Variants in GDPD4 observed in about 807,000 individuals in gnomAD.
The protein encoded by GDPD4 is glycerophosphodiester phosphodiesterase domain containing 4.
Under a neutral mutation model 67.8 loss-of-function variants are expected in GDPD4, and 60 were observed. The ratio of observed to expected loss-of-function variants is 0.88; its 90% confidence interval spans 0.72 to 1.10. The LOEUF (loss-of-function observed/expected upper bound fraction) is 1.10. Among genes scored for constraint, GDPD4 ranks in the 50% least tolerant of loss-of-function variants. GDPD4 has a pLI of 0.00. For missense variants in GDPD4, 623 were observed against 613.9 expected, an observed-to-expected ratio of 1.01 and a Z score of -0.16; for synonymous variants, 212 against 210.9, an observed-to-expected ratio of 1.00 and a Z score of -0.04.
At chr11:77,225,914 A>G (rs1365465979) in intron 16 of GDPD4, among the ~76,000 whole-genome samples, 3 of 152,110 alleles carry the variant, frequency 2.0e-5, no homozygotes, top group African/African-American at 7.2e-5. Flanking sequence ...TCCTTCCCTG[A>G]TTCTAAACTT....
chr11:77,261,019 C>G (rs1959105573), intron 10 of GDPD4, among the ~76,000 whole-genome samples: 1 of 152,146 alleles, frequency 6.6e-6, no homozygotes, highest in African/African-American at 2.4e-5. Flanking sequence ...TTTTCAAAAT[C>G]TGATGAAGAT....
intron 16 of GDPD4, among the ~76,000 whole-genome samples, chr11:77,226,770 C>A (rs879729647): frequency 6.6e-6 from 1 of 152,164 alleles, no homozygotes; most frequent in Non-Finnish European, 1.5e-5. Flanking sequence ...AACCATGTAA[C>A]TTGAGGTCGC....
chr11:77,271,352 C>A lies in GDPD4; in HGVS notation c.249G>T (p.Met83Ile). ...LLVILLCVIL[M>I]FIICKFWKER... is the part of the protein sequence containing the mutation. ...CTTTCCAGAATTTGCATATAATGAA[C>A]ATTAAAATGACACACAGAAGAATCA... The change falls in exon 6 of 17, where the codon ATG becomes ATT. Residue 83 changes from methionine to isoleucine, a missense_variant. Transcript: ENST00000315938. 1.2e-6 allele frequency: 2 copies of A among 1,613,850 alleles called. No homozygotes were observed. The highest frequency in any genetic ancestry group is 2.2e-5 in the South Asian group (2 of 91,076).
intron 11 of GDPD4, among the ~76,000 whole-genome samples, chr11:77,253,024 G>A (rs2135853395): frequency 6.6e-6 from 1 of 152,288 alleles, no homozygotes; most frequent in South Asian, 2.1e-4. Context: ...CATTGGCAGA[G>A]TCCTAGGATC....
At chr11:77,262,930 A>G (rs997511569) in intron 10 of GDPD4, among the ~76,000 whole-genome samples, 1 of 151,504 alleles carries the variant, frequency 6.6e-6, no homozygotes, top group African/African-American at 2.4e-5. Flanking sequence ...ATAAGCATCC[A>G]GAAGATTTCT....
Position 77,269,038 on chromosome 11 carries a change from A to C in GDPD4, c.510T>G (p.Leu170=), listed in dbSNP as rs201111004. The C allele has an allele frequency of 1.2e-6, 2 of 1,613,966 alleles. No individual in the cohort carries two copies. Among genetic ancestry groups the C allele is most frequent in the Non-Finnish European group, 1.7e-6 (2 of 1,179,860 alleles). Residue 170 remains leucine, a synonymous_variant, in exon 9 of 17, where the codon CTT becomes CTG. Transcript: ENST00000315938. ...GLQVPVGLPF[L]LILLGLYLMP... ...TCAAATAGAGACCTAAAAGGATAAGAAGAAAGGGTAATCCAACAGGCACTT... is the reference window on the plus strand; with the variant it reads ...TCAAATAGAGACCTAAAAGGATAAGCAGAAAGGGTAATCCAACAGGCACTT...
chr11:77,232,891 A>G lies in GDPD4; in HGVS notation c.1389+134T>C, dbSNP rs1001433246. ...AGGATCTGTGAGAATGGAAAATACC[A>G]CATCTCCAATATTCATAGAAGTCTG... On this transcript the variant is annotated intron_variant, in intron 14 of 16. Coordinates refer to ENST00000315938, the MANE Select transcript of GDPD4 (RefSeq NM_182833.3). The G allele has an allele frequency of 2.3e-5, 16 of 682,282 alleles. No individual in the cohort carries two copies. In the African/African-American group the frequency reaches 2.5e-4, roughly 11 times the overall value. The allele number at this position is 682,282 out of a possible 1,614,324, so 42.3% of individuals were successfully genotyped here. A position where few individuals can be genotyped will look rare whatever the true frequency, so the allele number is the denominator to read the frequency against.
At chr11:77,271,703 C>T (rs1959231031) in intron 5 of GDPD4, among the ~76,000 whole-genome samples, 1 of 152,216 alleles carries the variant, frequency 6.6e-6, no homozygotes, top group South Asian at 2.1e-4. Flanking sequence ...CTTGGTATCT[C>T]TTACTCAGAT....
intron 16 of GDPD4, among the ~76,000 whole-genome samples, chr11:77,227,364 C>A (rs1457659877): frequency 6.6e-6 from 1 of 152,232 alleles, no homozygotes; most frequent in Non-Finnish European, 1.5e-5. Context: ...ATATCACCCA[C>A]AAATGATACC....
intron 16 of GDPD4, among the ~76,000 whole-genome samples, chr11:77,220,705 T>C (rs1355593215): frequency 6.6e-6 from 1 of 152,220 alleles, no homozygotes; most frequent in Admixed American, 6.5e-5. Flanking sequence ...GGTATCAGGA[T>C]GATGCTGGCC....
At chr11:77,299,830 A>T (rs1209881209) in intron 1 of GDPD4, among the ~76,000 whole-genome samples, 1 of 152,234 alleles carries the variant, frequency 6.6e-6, no homozygotes, top group Non-Finnish European at 1.5e-5. Flanking sequence ...AAAAGGTGTG[A>T]ACACAAAGAA....
intron 13 of GDPD4, 38 bp from the exon 14 acceptor site, chr11:77,233,210 A>C (rs769892166): frequency 1.3e-5 from 20 of 1,596,594 alleles, no homozygotes; most frequent in Non-Finnish European, 1.7e-5. Context: ...ATTTAGATCA[A>C]GTTTCATTCT....
rs756056139 is a variant in GDPD4 at position 77,216,866 on chromosome 11, GC to G, written c.*410del. 2.6e-5 allele frequency: 17 copies of G among 655,976 alleles called. No homozygotes were observed. The highest frequency in any genetic ancestry group is 1.1e-4 in the Admixed American group (5 of 43,608). The allele number at this position is 655,976 out of a possible 1,614,324, so 40.6% of individuals were successfully genotyped here. A position where few individuals can be genotyped will look rare whatever the true frequency, so the allele number is the denominator to read the frequency against. On this transcript the variant is annotated 3_prime_UTR_variant, in exon 17 of 17. Transcript: ENST00000315938. ...GGAAACACAGAAGGCTATGTCAGATGCAATGGAATATATTGTGACATAGGAT... is the reference window on the plus strand; with the variant it reads ...GGAAACACAGAAGGCTATGTCAGATGAATGGAATATATTGTGACATAGGAT...
chr11:77,219,668 G>C (rs890964107), intron 16 of GDPD4, among the ~76,000 whole-genome samples: 2 of 152,170 alleles, frequency 1.3e-5, no homozygotes, highest in African/African-American at 4.8e-5. Flanking sequence ...TGTCAGGTTT[G>C]TCAAAGATCA....
intron 13 of GDPD4, among the ~76,000 whole-genome samples, chr11:77,238,602 ATTATG>A (rs1425460008): frequency 1.4e-5 from 2 of 143,856 alleles, no homozygotes; most frequent in African/African-American, 2.5e-5. Flanking sequence ...AAAAAAAAAA[ATTATG>A]TTATGTGAAT....
intron 16 of GDPD4, among the ~76,000 whole-genome samples, chr11:77,226,567 C>A (rs1591527876): frequency 6.6e-6 from 1 of 152,172 alleles, no homozygotes; most frequent in African/African-American, 2.4e-5. Flanking sequence ...GATTTCTAGC[C>A]TCCAGAACTG....
intron 5 of GDPD4, among the ~76,000 whole-genome samples, chr11:77,275,279 G>T (rs1959406153): frequency 6.6e-6 from 1 of 152,166 alleles, no homozygotes; most frequent in South Asian, 2.1e-4. Flanking sequence ...AAGCCCATGG[G>T]AGAACAAAAC....
rs1259737887 is a variant in GDPD4, at chr11:77,216,582, T to C, written c.*695A>G. The C allele has an allele frequency of 6.9e-6, 2 of 291,538 alleles. No individual in the cohort carries two copies. Among genetic ancestry groups the C allele is most frequent in the East Asian group, 1.6e-4 (2 of 12,280 alleles). The allele number at this position is 291,538 out of a possible 1,614,324, so 18.1% of individuals were successfully genotyped here. A position where few individuals can be genotyped will look rare whatever the true frequency, so the allele number is the denominator to read the frequency against. ...CTTCCTGAGAGGTTGCCTTTACTTATATGCACAGTCACTCCTTTAGCAGAA... is the reference window on the plus strand; with the variant it reads ...CTTCCTGAGAGGTTGCCTTTACTTACATGCACAGTCACTCCTTTAGCAGAA... On this transcript the variant is annotated 3_prime_UTR_variant, in exon 17 of 17. Coordinates refer to ENST00000315938, the MANE Select transcript of GDPD4 (RefSeq NM_182833.3).
intron 1 of GDPD4, among the ~76,000 whole-genome samples, chr11:77,290,044 T>C (rs190782535): frequency 6.6e-6 from 1 of 152,134 alleles, no homozygotes; most frequent in East Asian, 1.9e-4. Flanking sequence ...ATCCAGATAG[T>C]GGAAGCTCAA....
Sources: allele counts gnomAD v4.1 joint callset (sites outside exome capture counted in the v4.1 genomes callset), GRCh38; gene constraint gnomAD v4.1.1; transcripts MANE v1.5; gene names NCBI Gene and HGNC (gene_info 2026-07-23, HGNC 2026-07-21).